DNAH3: variants seen among roughly 807,000 people sequenced by gnomAD.
DNAH3 encodes the protein axonemal beta dynein heavy chain 3.
DNAH3 carries 332 observed loss-of-function variants against 432.5 expected under a neutral mutation model. The ratio of observed to expected loss-of-function variants is 0.77; its 90% CI spans 0.70 to 0.84. The LOEUF (loss-of-function observed/expected upper bound fraction) is 0.84. Among genes scored for constraint, DNAH3 ranks in the 40% least tolerant of loss-of-function variants. The pLI, the probability that DNAH3 is intolerant of heterozygous loss-of-function variation, is 0.00. For synonymous variants in DNAH3, 1,956 were observed against 1,900.2 expected (o/e 1.03, Z -0.76); for missense variants, 4,861 against 5,114.0 (o/e 0.95, Z 1.51).
intron 7 of DNAH3, 48 bp downstream of exon 8, chr16:21,134,211 G>T (rs745651539): frequency 1.3e-6 from 2 of 1,559,560 alleles, no homozygotes. Context: ...GCTTACACGT[G>T]GATGTGGTCA....
intron 57 of DNAH3, among the ~76,000 whole-genome samples, chr16:20,945,275 A>G (rs563529104): frequency 6.6e-6 from 1 of 152,306 alleles, no homozygotes; most frequent in South Asian, 2.1e-4. Flanking sequence ...CAGCGCCATG[A>G]CTGTTTACAG....
In DNAH3 at chr16:21,037,719, T is replaced by C. The variant is rs776845592; in HGVS notation, c.4950+42A>G. On this transcript the variant is annotated intron_variant, in intron 34 of 61. Transcript: ENST00000261383. ...AAACACAACATTTCATCTTCCAACA[T>C]TGAGCCTTGGTCCTCGGCCAAGGTC... is the stretch of plus-strand genomic sequence containing the variant. 4.5e-6 allele frequency: 7 copies of C among 1,563,188 alleles called. No homozygotes were observed. The Admixed American group carries it at 6.8e-5, about 15-fold the overall frequency.
At chr16:20,995,056 C>T (rs1481332255) in intron 44 of DNAH3, among the ~76,000 whole-genome samples, 1 of 151,952 alleles carries the variant, frequency 6.6e-6, no homozygotes, top group Non-Finnish European at 1.5e-5. Flanking sequence ...CTGCCTCAGC[C>T]CCCTAAGTAG....
chr16:21,148,766 T>C (rs1280507313), intron 1 of DNAH3, among the ~76,000 whole-genome samples: 2 of 152,180 alleles, frequency 1.3e-5, no homozygotes, highest in Non-Finnish European at 2.9e-5. Context: ...TCCCAGTCTG[T>C]CGATCAGGAA....
intron 51 of DNAH3, among the ~76,000 whole-genome samples, chr16:20,972,462 TC>T (rs2085386424): frequency 1.3e-5 from 2 of 152,104 alleles, no homozygotes. Flanking sequence ...CTGAAATTCC[TC>T]CTTGCCTCAA....
intron 20 of DNAH3, 110 bp downstream of exon 20, chr16:21,081,526 G>A (rs372450973): frequency 1.0e-4 from 85 of 813,336 alleles, no homozygotes; most frequent in African/African-American, 1.0e-3. Context: ...GCCACCCTAC[G>A]CCACAAGGAA....
At chr16:21,155,621 CAAAAAAAAA>C (rs369001374) in intron 1 of DNAH3, among the ~76,000 whole-genome samples, 8 of 76,814 alleles carry the variant, frequency 1.0e-4, no homozygotes, top group African/African-American at 2.3e-4. Flanking sequence ...GACTCCGTCT[CAAAAAAAAA>C]AAAAAAAAAA....
chr16:20,980,143 G>C (rs2085791296), intron 49 of DNAH3, among the ~76,000 whole-genome samples: 1 of 137,264 alleles, frequency 7.3e-6, no homozygotes, highest in African/African-American at 2.8e-5. Flanking sequence ...GTAGTTTGGA[G>C]ATATTCCCTG....
intron 47 of DNAH3, among the ~76,000 whole-genome samples, chr16:20,986,658 C>A (rs745953581): frequency 6.6e-6 from 1 of 152,138 alleles, no homozygotes; most frequent in Non-Finnish European, 1.5e-5. Flanking sequence ...GGTGCTTGAT[C>A]CTCCACCAAA....
rs190012222 is a variant in DNAH3, at chr16:20,990,198, C to T, written c.6602-2133G>A. Among the ~76,000 whole-genome samples, 513 of 152,330 alleles carry T rather than the reference C, an allele frequency of 3.4e-3. 6 individuals are homozygous for T. The highest frequency in any genetic ancestry group is 1.9e-3 in the Non-Finnish European group (126 of 68,020). Reference sequence around the variant, plus strand: ...CTGTGAGGACTTGCCAGCACGCTGTCACCTCTCACTTTCACTTACCTTATA... The same window carrying T: ...CTGTGAGGACTTGCCAGCACGCTGTTACCTCTCACTTTCACTTACCTTATA... On this transcript the variant is annotated intron_variant, in intron 44 of 61. Coordinates refer to ENST00000261383, the Ensembl canonical transcript of DNAH3.
chr16:21,054,572 G>C, intron 27 of DNAH3, 38 bp from the exon 28 acceptor site: 2 of 1,477,944 alleles, frequency 1.4e-6, no homozygotes, highest in South Asian at 1.2e-5. Flanking sequence ...GGTTACATTT[G>C]ACTCTCCTCT....
intron 50 of DNAH3, among the ~76,000 whole-genome samples, chr16:20,977,857 C>T (rs535520892): frequency 1.2e-4 from 19 of 152,298 alleles, no homozygotes; most frequent in African/African-American, 4.3e-4. Context: ...TCCTCAGACA[C>T]GACCGACCTC....
intron 18 of DNAH3, among the ~76,000 whole-genome samples, chr16:21,096,905 G>A (rs1038351317): frequency 4.9e-4 from 74 of 152,314 alleles, no homozygotes; most frequent in African/African-American, 1.7e-3. Context: ...TTACCTTTGA[G>A]AGGATAGTAA....
At chr16:21,081,848 C>G in intron 19 of DNAH3, 121 bp from the exon 20 acceptor site, 1 of 687,184 alleles carries the variant, frequency 1.5e-6, no homozygotes, top group Non-Finnish European at 2.4e-6. Flanking sequence ...CCACGAGTGG[C>G]AGGTGGCTGT....
chr16:20,983,555 T>G (rs1166460385), intron 48 of DNAH3, among the ~76,000 whole-genome samples: 1 of 152,084 alleles, frequency 6.6e-6, no homozygotes, highest in Non-Finnish European at 1.5e-5. Context: ...AGCCATACAC[T>G]GTTATTTATA....
intron 41 of DNAH3, among the ~76,000 whole-genome samples, chr16:21,014,182 T>A (rs2087750983): frequency 6.6e-6 from 1 of 152,116 alleles, no homozygotes; most frequent in South Asian, 2.1e-4. Flanking sequence ...TGCAAAAATA[T>A]TCATCAAAAT....
intron 50 of DNAH3, among the ~76,000 whole-genome samples, chr16:20,977,824 ACTGT>A (rs2152653387): frequency 6.6e-6 from 1 of 152,298 alleles, no homozygotes; most frequent in African/African-American, 2.4e-5. Context: ...TCTGGTCTAG[ACTGT>A]CTTAGGTCCT....
chr16:20,982,806 A>G lies in DNAH3; in HGVS notation c.7774T>C (p.Phe2592Leu), dbSNP rs778757637. The G allele has an allele frequency of 3.1e-6, 5 of 1,614,194 alleles. No homozygotes were observed. The Admixed American group carries it at 8.3e-5, about 27-fold the overall frequency. Residue 2592 changes from phenylalanine to leucine, a missense_variant, in exon 49 of 62, where the codon TTC becomes CTC. Phe to Leu is a conservative substitution (Grantham distance 22). Coordinates refer to ENST00000261383, the Ensembl canonical transcript of DNAH3. Reference sequence around the variant, plus strand: ...AGGGCATCTGTGGGCCAGGACTGGAACCAATCAATCGTACAGCAATTGATC... The same window carrying G: ...AGGGCATCTGTGGGCCAGGACTGGAGCCAATCAATCGTACAGCAATTGATC...
intron 24 of DNAH3, among the ~76,000 whole-genome samples, chr16:21,066,481 C>T (rs1030289902): frequency 1.3e-5 from 2 of 152,140 alleles, no homozygotes; most frequent in African/African-American, 4.8e-5. Flanking sequence ...GATCCTCCTA[C>T]CTCAGCCTCC....
Sources: gnomAD v4.1 joint callset for allele counts (sites outside exome capture counted in the v4.1 genomes callset) on GRCh38, gnomAD v4.1.1 for gene constraint, MANE v1.5 for transcripts, NCBI Gene and HGNC (gene_info 2026-07-23, HGNC 2026-07-21) for gene names.